PTOV1: variants seen among roughly 807,000 people sequenced by gnomAD.
The protein encoded by PTOV1 is prostate tumor-overexpressed gene 1 protein.
In PTOV1, 20 loss-of-function variants were observed where a neutral mutation model predicts 58.0. The ratio of observed to expected loss-of-function variants is 0.34; its 90% CI spans 0.24 to 0.50. The LOEUF (loss-of-function observed/expected upper bound fraction) is 0.50. Ranked by LOEUF, PTOV1 falls within the 20% of genes least tolerant of loss-of-function variation. PTOV1 has a pLI of 0.98. For missense variants in PTOV1, 593 were observed against 565.4 expected, an observed-to-expected ratio of 1.05 and a Z score of -0.50; for synonymous variants, 335 against 234.2, an observed-to-expected ratio of 1.43 and a Z score of -3.93.
At chr19:49,860,455 G>C in exon 12 of PTOV1, 2 of 969,914 alleles carry the variant, frequency 2.1e-6, no homozygotes, top group Non-Finnish European at 3.0e-6. Context: ...AGAGGCAGCA[G>C]TCCCAGCGGT....
intron 1 of PTOV1, among the ~76,000 whole-genome samples, chr19:49,853,635 A>G (rs952857572): frequency 1.3e-5 from 2 of 152,138 alleles, no homozygotes; most frequent in Admixed American, 1.3e-4. Flanking sequence ...ATAGTAATAA[A>G]AATAGTGGGG....
At chr19:49,851,279 C>A in exon 1 of PTOV1, 2 of 1,081,126 alleles carry the variant, frequency 1.8e-6, no homozygotes, top group South Asian at 4.3e-5. Context: ...GAGCCCGCAG[C>A]CCCCCTTGTG....
rs1196079035 is a variant in PTOV1, at chr19:49,854,950, G to A, written c.451-20G>A. On this transcript the variant is annotated intron_variant, in intron 4 of 11. Transcript: ENST00000391842. Reference sequence around the variant, plus strand: ...ACCCCCATGCCTGGCTGACCCAGCTGTCTGTCCTGTCGCCCCCAGACCACC... The same window carrying A: ...ACCCCCATGCCTGGCTGACCCAGCTATCTGTCCTGTCGCCCCCAGACCACC... 6 of 1,554,518 alleles carry A rather than the reference G, an allele frequency of 3.9e-6. No individual in the cohort carries two copies. Among genetic ancestry groups the A allele is most frequent in the Admixed American group, 3.6e-5 (2 of 55,794 alleles).
At position 49,857,944 on chromosome 19, in the gene PTOV1, CAT is replaced by C; in HGVS notation, c.846_847del (p.Ser283ProfsTer77). On this transcript the variant is annotated frameshift_variant, in exon 8 of 12. Transcript: ENST00000391842. LOFTEE classifies it high-confidence loss of function. ...AACAGTCGGTCCAAGAGGTGGCTGC[CAT>C]CCCACGTCTACGTGAACCAGGGGGA... 6.2e-7 allele frequency: 1 copy of C among 1,613,848 alleles called. No homozygotes were observed. Among genetic ancestry groups the C allele is most frequent in the Non-Finnish European group, 8.5e-7 (1 of 1,179,826 alleles).
exon 11 of PTOV1, chr19:49,859,991 C>G (rs2074678931): frequency 6.2e-7 from 1 of 1,614,108 alleles, no homozygotes; most frequent in African/African-American, 1.3e-5. Context: ...GCCAGGCCGG[C>G]TGCGTGCACT....
chr19:49,854,768 CA>C (rs1568640638), intron 3 of PTOV1, 34 bp downstream of exon 3: 2 of 1,613,234 alleles, frequency 1.2e-6, no homozygotes, highest in East Asian at 4.5e-5. Flanking sequence ...AGGGCGGTGG[CA>C]GGGGCAGTGG....
chr19:49,856,882 C>T, intron 5 of PTOV1, 93 bp from the exon 6 acceptor site: 1 of 1,474,412 alleles, frequency 6.8e-7, no homozygotes, highest in Non-Finnish European at 9.3e-7. Context: ...CCGATGATCT[C>T]CCTTCATCCC....
At chr19:49,856,813 C>T (rs575105856) in intron 5 of PTOV1, 162 bp from the exon 6 acceptor site, 67 of 813,174 alleles carry the variant, frequency 8.2e-5, no homozygotes, top group South Asian at 3.2e-4. Flanking sequence ...GGGCGCTGCA[C>T]GGGCTCTCAG....
chr19:49,857,937 T>C (rs2074553225), exon 8 of PTOV1: 1 of 1,613,696 alleles, frequency 6.2e-7, no homozygotes. Flanking sequence ...GTCCAAGAGG[T>C]GGCTGCCATC....
chr19:49,860,086 A>G (rs1335108896), exon 11 of PTOV1: 5 of 1,614,216 alleles, frequency 3.1e-6, no homozygotes, highest in Non-Finnish European at 4.2e-6. Context: ...CTCATCCCCC[A>G]TGACCAGGGC....
intron 2 of PTOV1, 53 bp from the exon 3 acceptor site, chr19:49,854,599 G>T (rs766523467): frequency 6.2e-7 from 1 of 1,613,014 alleles, no homozygotes; most frequent in Non-Finnish European, 8.5e-7. Flanking sequence ...TCCCTGCGGG[G>T]ACAGGCCAGG....
intron 6 of PTOV1, 59 bp downstream of exon 6, chr19:49,857,189 G>C: frequency 6.3e-7 from 1 of 1,591,930 alleles, no homozygotes; most frequent in Non-Finnish European, 8.6e-7. Context: ...CCACTGCCCT[G>C]GTTGGGCAGC....
chr19:49,856,604 C>A (rs2074478928), intron 5 of PTOV1: 1 of 247,334 alleles, frequency 4.0e-6, no homozygotes, highest in Non-Finnish European at 7.9e-6. Context: ...TGTTAGGTCA[C>A]ACAGCTAGGA....
chr19:49,853,522 G>A (rs982006253), intron 1 of PTOV1, among the ~76,000 whole-genome samples: 15 of 151,532 alleles, frequency 9.9e-5, no homozygotes, highest in Non-Finnish European at 2.1e-4. Flanking sequence ...AAAATTAGCC[G>A]GGCATGATGG....
chr19:49,856,596 T>G, intron 5 of PTOV1: 1 of 235,970 alleles, frequency 4.2e-6, no homozygotes. Context: ...GTGGCTGGTG[T>G]TAGGTCACAC....
chr19:49,858,005 A>G (rs1466628304), intron 8 of PTOV1, 28 bp downstream of exon 8: 3 of 1,613,142 alleles, frequency 1.9e-6, no homozygotes, highest in East Asian at 2.2e-5. Context: ...GGGTGGAGGC[A>G]GCATCCAGGG....
chr19:49,857,660 G>C, intron 6 of PTOV1, 33 bp from the exon 7 acceptor site: 4 of 1,596,388 alleles, frequency 2.5e-6, no homozygotes, highest in Non-Finnish European at 3.4e-6. Context: ...CAGGAGCCTG[G>C]GCCCCTCTTC....
chr19:49,854,841 C>G, exon 4 of PTOV1: 1 of 1,613,358 alleles, frequency 6.2e-7, no homozygotes, highest in Non-Finnish European at 8.5e-7. Flanking sequence ...GGAGACCGAC[C>G]AGTGGCCGCA....
exon 6 of PTOV1, chr19:49,857,017 C>T (rs776677018): frequency 8.7e-6 from 14 of 1,613,766 alleles, no homozygotes; most frequent in African/African-American, 2.7e-5. Flanking sequence ...CTGTGAGGTG[C>T]GCGTGCTCAT....
Sources: gnomAD v4.1 joint callset for allele counts (sites outside exome capture counted in the v4.1 genomes callset) on GRCh38, gnomAD v4.1.1 for gene constraint, MANE v1.5 for transcripts, NCBI Gene and HGNC (gene_info 2026-07-23, HGNC 2026-07-21) for gene names.